MSR1: variants seen among roughly 807,000 people sequenced by gnomAD.
MSR1 encodes the protein macrophage scavenger receptor types I and II.
MSR1 carries 53 observed loss-of-function variants against 47.2 expected under a neutral mutation model. The ratio of observed to expected loss-of-function variants is 1.12; its 90% CI spans 0.90 to 1.41. MSR1 has a LOEUF of 1.41. Among genes scored for constraint, MSR1 ranks in the 40% most tolerant of loss-of-function variants. The pLI is 0.00. For missense variants in MSR1, 786 were observed against 546.9 expected (o/e 1.44, Z -4.36); for synonymous variants, 239 against 185.6 (o/e 1.29, Z -2.34).
At chr8:16,185,391 C>T (rs448578) in intron 1 of MSR1, among the ~76,000 whole-genome samples, 20,720 of 152,104 alleles carry the variant, frequency 0.14, 1,838 homozygotes, top group African/African-American at 0.23. Flanking sequence ...GGATTTTCTA[C>T]AGCAACCTAA....
intron 1 of MSR1, chr8:16,186,095 G>T: frequency 7.7e-7 from 1 of 1,305,306 alleles, no homozygotes; most frequent in South Asian, 1.3e-5. Flanking sequence ...TTGCAAGATT[G>T]GCAGTAATAA....
At chr8:16,173,449 A>G (rs1298680783) in intron 3 of MSR1, among the ~76,000 whole-genome samples, 3 of 152,248 alleles carry the variant, frequency 2.0e-5, no homozygotes, top group Non-Finnish European at 4.4e-5. Flanking sequence ...ACAGATAAGC[A>G]TAGACATAAA....
rs5889635 is a variant in MSR1 at position 16,166,324 on chromosome 8, A to ATT, written c.631-2075_631-2074dup. Among the ~76,000 whole-genome samples the ATT allele has an allele frequency of 1.1e-3, 167 of 145,450 alleles. 1 individual carries two copies. The highest frequency in any genetic ancestry group is 0.01 in the East Asian group (50 of 4,906). On this transcript the variant is annotated intron_variant, in intron 4 of 9. Transcript: ENST00000262101. ...AGGTGCACACTACCACACCTGACTAATTTTTTTTTTTTTAATTTTGTAGAG... is the reference window on the plus strand; with the variant it reads ...AGGTGCACACTACCACACCTGACTAATTTTTTTTTTTTTTTAATTTTGTAGAG...
At chr8:16,176,438 T>G (rs1801649128) in intron 2 of MSR1, among the ~76,000 whole-genome samples, 1 of 150,614 alleles carries the variant, frequency 6.6e-6, no homozygotes, top group Admixed American at 6.6e-5. Context: ...GCCCAAGAGG[T>G]TGAGGCTGCA....
intron 8 of MSR1, among the ~76,000 whole-genome samples, chr8:16,126,640 A>G (rs893988208): frequency 6.6e-6 from 1 of 152,170 alleles, no homozygotes; most frequent in African/African-American, 2.4e-5. Flanking sequence ...TCTCTAGAAA[A>G]TTTCTCTAGA....
intron 5 of MSR1, among the ~76,000 whole-genome samples, chr8:16,156,489 T>C (rs536481151): frequency 5.1e-4 from 77 of 152,118 alleles, no homozygotes; most frequent in African/African-American, 1.8e-3. Flanking sequence ...ATTTGGGTTT[T>C]AGAGGCCCAA....
chr8:16,167,126 C>G (rs1458202118), intron 4 of MSR1, among the ~76,000 whole-genome samples: 3 of 152,176 alleles, frequency 2.0e-5, no homozygotes, highest in Admixed American at 6.5e-5. Flanking sequence ...GAAACTCAAA[C>G]AGCTCACTGA....
chr8:16,109,513 G>A lies in MSR1; in HGVS notation c.*572C>T, dbSNP rs1232814939. ...ACATGACAAGAAAAATAAGCTCCCT[G>A]GTCCATAGTGGCCAAGACATATCAT... On this transcript the variant is annotated 3_prime_UTR_variant, in exon 10 of 10. Coordinates refer to ENST00000262101, the MANE Select transcript of MSR1 (RefSeq NM_138715.3). 1 of 154,468 alleles carries A rather than the reference G, an allele frequency of 6.5e-6. No homozygotes were observed. Among genetic ancestry groups the A allele is most frequent in the Non-Finnish European group, 1.4e-5 (1 of 69,568 alleles). The allele number at this position is 154,468 out of a possible 1,614,324, so 9.6% of individuals were successfully genotyped here. A position where few individuals can be genotyped will look rare whatever the true frequency, so the allele number is the denominator to read the frequency against.
At chr8:16,113,937 T>C (rs1294075069) in intron 9 of MSR1, among the ~76,000 whole-genome samples, 1 of 149,208 alleles carries the variant, frequency 6.7e-6, no homozygotes, top group Non-Finnish European at 1.5e-5. Flanking sequence ...TACGTAAATT[T>C]GTACAACTTT....
In MSR1 at chr8:16,186,292, G is replaced by A. The variant is rs1801997912; in HGVS notation, c.-5+6306C>T. On this transcript the variant is annotated intron_variant, in intron 1 of 9. Coordinates refer to ENST00000262101, the MANE Select transcript of MSR1 (RefSeq NM_138715.3). ...CAGAGTGAGCCAGGGTCCAGTTTCT[G>A]TTCTGTTTTCTCTCCTATTTTCACT... The A allele has an allele frequency of 6.6e-6, 8 of 1,207,276 alleles. No homozygotes were observed. The East Asian group carries it at 1.3e-4, about 19-fold the overall frequency. The allele number at this position is 1,207,276 out of a possible 1,614,324, so 74.8% of individuals were successfully genotyped here. A position where few individuals can be genotyped will look rare whatever the true frequency, so the allele number is the denominator to read the frequency against.
chr8:16,114,450 G>T (rs1196511868), intron 9 of MSR1, among the ~76,000 whole-genome samples: 1 of 152,026 alleles, frequency 6.6e-6, no homozygotes, highest in Non-Finnish European at 1.5e-5. Flanking sequence ...ATCCATACAG[G>T]CTCAGATATA....
chr8:16,171,276 T>C (rs1357699317), intron 3 of MSR1, among the ~76,000 whole-genome samples: 1 of 151,422 alleles, frequency 6.6e-6, no homozygotes, highest in Non-Finnish European at 1.5e-5. Flanking sequence ...GCATTACTAC[T>C]GTAGCTATTA....
At chr8:16,118,035 C>T (rs1373323681) in intron 9 of MSR1, among the ~76,000 whole-genome samples, 3 of 152,088 alleles carry the variant, frequency 2.0e-5, no homozygotes, top group African/African-American at 7.2e-5. Context: ...CTTAAAGAAA[C>T]AATGCTAAAT....
intron 1 of MSR1, among the ~76,000 whole-genome samples, chr8:16,191,085 C>T (rs569016167): frequency 4.7e-4 from 72 of 152,198 alleles, no homozygotes; most frequent in Admixed American, 1.2e-3. Flanking sequence ...TGTGATCCTC[C>T]TTATTATATA....
At chr8:16,110,349 G>C in intron 9 of MSR1, 131 bp from the exon 10 acceptor site, 1 of 1,010,826 alleles carries the variant, frequency 9.9e-7, no homozygotes, top group Non-Finnish European at 1.5e-6. Context: ...CAAGTTCTGT[G>C]CTCTCTAGTA....
chr8:16,132,313 G>T (rs1028453778), intron 8 of MSR1, among the ~76,000 whole-genome samples: 2 of 152,056 alleles, frequency 1.3e-5, no homozygotes, highest in African/African-American at 4.8e-5. Context: ...GTACAGAAAT[G>T]CTAGTGATTT....
Position 16,157,539 on chromosome 8 carries a change from T to C in MSR1, c.818-2395A>G, listed in dbSNP as rs1406946666. Reference sequence around the variant, plus strand: ...CATTCTATTCTTCATGTAACATTAATCTCACATTATGTTTCATTTTTGTAC... The same window carrying C: ...CATTCTATTCTTCATGTAACATTAACCTCACATTATGTTTCATTTTTGTAC... On this transcript the variant is annotated intron_variant, in intron 5 of 9. Coordinates refer to ENST00000262101, the MANE Select transcript of MSR1 (RefSeq NM_138715.3). Among the ~76,000 whole-genome samples the C allele has an allele frequency of 2.6e-5, 4 of 151,998 alleles. No individual in the cohort carries two copies. The East Asian group carries it at 7.7e-4, about 29-fold the overall frequency.
At chr8:16,181,556 A>C (rs1801832663) in intron 1 of MSR1, among the ~76,000 whole-genome samples, 1 of 152,116 alleles carries the variant, frequency 6.6e-6, no homozygotes, top group Admixed American at 6.6e-5. Flanking sequence ...GGAACGGAAA[A>C]CAAAACATCA....
intron 1 of MSR1, among the ~76,000 whole-genome samples, chr8:16,187,364 CAAAAAAAAAAAAAA>C (rs751848634): frequency 5.2e-3 from 186 of 35,434 alleles, no homozygotes; most frequent in African/African-American, 0.021. Context: ...ACTCTGTCTC[CAAAAAAAAAAAAAA>C]AAAAAAAAAA....
Sources: gnomAD v4.1 joint callset for allele counts (sites outside exome capture counted in the v4.1 genomes callset) on GRCh38, gnomAD v4.1.1 for gene constraint, MANE v1.5 for transcripts, NCBI Gene and HGNC (gene_info 2026-07-23, HGNC 2026-07-21) for gene names.